PRKCE: variants seen among roughly 807,000 people sequenced by gnomAD.
PRKCE encodes the protein protein kinase C epsilon, also known as protein kinase C epsilon type.
PRKCE carries 16 observed loss-of-function variants against 85.4 expected under a neutral mutation model. That is an observed-to-expected ratio of 0.19 (90% confidence interval 0.13 to 0.28). The LOEUF is 0.28. PRKCE is among the 10% of genes least tolerant of loss of function. The pLI, the probability that PRKCE is intolerant of heterozygous loss-of-function variation, is 1.00. For missense variants in PRKCE, 573 were observed against 975.2 expected, an observed-to-expected ratio of 0.59 and a Z score of 5.49; for synonymous variants, 388 against 371.5, an observed-to-expected ratio of 1.04 and a Z score of -0.51.
chr2:45,675,349 C>G (rs1676383236), intron 1 of PRKCE: 1 of 152,210 alleles, frequency 6.6e-6, no homozygotes, highest in Admixed American at 6.5e-5. Flanking sequence ...GTTTTTAAGT[C>G]TTTGCTTCCT....
chr2:45,992,530 C>T (rs1411019164), intron 6 of PRKCE, among the ~76,000 whole-genome samples: 1 of 152,194 alleles, frequency 6.6e-6, no homozygotes, highest in African/African-American at 2.4e-5. Context: ...ACACAATTTC[C>T]CATTTGCAAA....
intron 2 of PRKCE, among the ~76,000 whole-genome samples, chr2:45,854,754 C>T (rs1026182427): frequency 1.4e-4 from 22 of 152,242 alleles, no homozygotes; most frequent in Non-Finnish European, 2.2e-4. Flanking sequence ...TATTCTTGGC[C>T]AAAGAACAGG....
intron 1 of PRKCE, among the ~76,000 whole-genome samples, chr2:45,736,413 C>T (rs1453200496): frequency 6.6e-6 from 1 of 152,172 alleles, no homozygotes; most frequent in Non-Finnish European, 1.5e-5. Flanking sequence ...GTGACTAGAT[C>T]ATACTGTCTA....
chr2:46,018,864 C>T (rs1268622323), intron 10 of PRKCE, among the ~76,000 whole-genome samples: 1 of 152,214 alleles, frequency 6.6e-6, no homozygotes, highest in Non-Finnish European at 1.5e-5. Flanking sequence ...GAGGGCGTCT[C>T]GTAGACATTC....
intron 1 of PRKCE, among the ~76,000 whole-genome samples, chr2:45,737,029 G>A (rs777080162): frequency 1.3e-5 from 2 of 152,170 alleles, no homozygotes; most frequent in South Asian, 2.1e-4. Context: ...ATGGACGGTC[G>A]TCGGTCATCG....
chr2:45,925,363 C>T (rs982421038), intron 2 of PRKCE, among the ~76,000 whole-genome samples: 5 of 152,114 alleles, frequency 3.3e-5, no homozygotes, highest in African/African-American at 1.2e-4. Flanking sequence ...ATGGCATGAT[C>T]TTGGCTCCCT....
At position 45,795,057 on chromosome 2, in the gene PRKCE, C is replaced by A. The variant is rs1278794189; in HGVS notation, c.349-47943C>A. Among the ~76,000 whole-genome samples, 3 of 152,222 alleles carry A rather than the reference C, an allele frequency of 2.0e-5. 1 individual carries two copies. The highest frequency in any genetic ancestry group is 2.0e-4 in the Admixed American group (3 of 15,286). On this transcript the variant is annotated intron_variant, in intron 1 of 14. Transcript: ENST00000306156. Reference sequence around the variant, plus strand: ...TGTTCGAGGTACATGACCCCACCTTCTGAGGAGGTGAGGCCAGCACCTCTT... The same window carrying A: ...TGTTCGAGGTACATGACCCCACCTTATGAGGAGGTGAGGCCAGCACCTCTT...
At chr2:46,018,287 G>A (rs1706336784) in intron 10 of PRKCE, among the ~76,000 whole-genome samples, 1 of 152,196 alleles carries the variant, frequency 6.6e-6, no homozygotes, top group Non-Finnish European at 1.5e-5. Flanking sequence ...GTGCCATGGG[G>A]CATCATGGGG....
At chr2:45,930,575 C>G (rs1444914066) in intron 2 of PRKCE, among the ~76,000 whole-genome samples, 1 of 152,238 alleles carries the variant, frequency 6.6e-6, no homozygotes, top group Non-Finnish European at 1.5e-5. Context: ...ATTGGAATGC[C>G]TGTCCTTTGT....
intron 2 of PRKCE, among the ~76,000 whole-genome samples, chr2:45,925,738 A>G (rs1358282169): frequency 6.6e-6 from 1 of 152,232 alleles, no homozygotes; most frequent in Non-Finnish European, 1.5e-5. Context: ...GATCACCTAG[A>G]CTGAGCTGAC....
chr2:46,132,655 T>C (rs1674577486), intron 11 of PRKCE, among the ~76,000 whole-genome samples: 1 of 152,194 alleles, frequency 6.6e-6, no homozygotes, highest in Non-Finnish European at 1.5e-5. Context: ...TAACAGGGCA[T>C]AAGCACAGCC....
chr2:45,813,602 G>C (rs1688808317), intron 1 of PRKCE, among the ~76,000 whole-genome samples: 1 of 152,172 alleles, frequency 6.6e-6, no homozygotes, highest in Non-Finnish European at 1.5e-5. Flanking sequence ...AGAAAATTGA[G>C]GTCCAGAGAG....
intron 11 of PRKCE, among the ~76,000 whole-genome samples, chr2:46,087,793 C>T (rs944195139): frequency 1.3e-5 from 2 of 152,158 alleles, no homozygotes; most frequent in African/African-American, 4.8e-5. Flanking sequence ...GCATTCTGTT[C>T]TGCAGTTTGG....
chr2:45,759,207 G>A (rs1055386511), intron 1 of PRKCE, among the ~76,000 whole-genome samples: 14 of 152,138 alleles, frequency 9.2e-5, no homozygotes, highest in Admixed American at 8.5e-4. Context: ...AGGCAGTATT[G>A]ATAAAATGAC....
intron 2 of PRKCE, among the ~76,000 whole-genome samples, chr2:45,896,461 A>G (rs1017744153): frequency 6.6e-6 from 1 of 152,200 alleles, no homozygotes; most frequent in Non-Finnish European, 1.5e-5. Flanking sequence ...TGTTGCAACC[A>G]TCCACATGCC....
At chr2:45,778,330 G>A (rs73926083) in intron 1 of PRKCE, among the ~76,000 whole-genome samples, 10 of 152,270 alleles carry the variant, frequency 6.6e-5, no homozygotes, top group African/African-American at 2.2e-4. Context: ...TGCTTCTCTG[G>A]AGACTGATGT....
rs139935968 is a variant in PRKCE at position 46,118,570 on chromosome 2, G to T, written c.1593-26523G>T. Among the ~76,000 whole-genome samples the T allele has an allele frequency of 3.3e-5, 5 of 152,256 alleles. No individual in the cohort carries two copies. The East Asian group carries it at 9.6e-4, about 29-fold the overall frequency. ...CCTTGGACTAACAAAAGAGAAAAATGGAGATGAGACTATTATATGATAATC... is the reference window on the plus strand; with the variant it reads ...CCTTGGACTAACAAAAGAGAAAAATTGAGATGAGACTATTATATGATAATC... On this transcript the variant is annotated intron_variant, in intron 11 of 14. Coordinates refer to ENST00000306156, the MANE Select transcript of PRKCE (RefSeq NM_005400.3).
intron 10 of PRKCE, among the ~76,000 whole-genome samples, chr2:46,083,906 C>G (rs753649861): frequency 7.9e-5 from 12 of 152,252 alleles, no homozygotes; most frequent in Non-Finnish European, 1.5e-4. Context: ...AGGCAGAAAC[C>G]AGATGGAGGA....
intron 2 of PRKCE, among the ~76,000 whole-genome samples, chr2:45,903,957 G>T (rs1180448081): frequency 6.7e-6 from 1 of 150,374 alleles, no homozygotes; most frequent in Non-Finnish European, 1.5e-5. Flanking sequence ...AGGCTGGAGT[G>T]CAGTGGCATG....
Sources: allele counts gnomAD v4.1 joint callset (sites outside exome capture counted in the v4.1 genomes callset), GRCh38; gene constraint gnomAD v4.1.1; transcripts MANE v1.5; gene names NCBI Gene and HGNC (gene_info 2026-07-23, HGNC 2026-07-21).